Variants in LEPR observed in about 807,000 individuals in gnomAD.
LEPR encodes the protein leptin receptor, also known as OB receptor.
A neutral mutation model predicts 114.7 loss-of-function variants in LEPR; 56 were observed. That is an observed-to-expected ratio of 0.49 (90% confidence interval 0.39 to 0.61). The LOEUF (loss-of-function observed/expected upper bound fraction) is 0.61. Among genes scored for constraint, LEPR ranks in the 20% least tolerant of loss-of-function variants. The pLI, the probability that LEPR is intolerant of heterozygous loss-of-function variation, is 0.00. For missense variants in LEPR, 1,202 were observed against 1,352.9 expected, an observed-to-expected ratio of 0.89 and a Z score of 1.75; for synonymous variants, 443 against 461.4, an observed-to-expected ratio of 0.96 and a Z score of 0.51.
intron 14 of LEPR, among the ~76,000 whole-genome samples, chr1:65,613,183 C>G (rs1657286018): frequency 6.6e-6 from 1 of 152,086 alleles, no homozygotes; most frequent in South Asian, 2.1e-4. Context: ...GGTTTGTAAT[C>G]CAATACTACT....
chr1:65,441,059 A>C (rs993863137), intron 2 of LEPR, among the ~76,000 whole-genome samples: 3 of 152,212 alleles, frequency 2.0e-5, no homozygotes, highest in Admixed American at 2.0e-4. Context: ...GTCCCTAATT[A>C]ATCATTCCAT....
chr1:65,554,977 T>G (rs1652710718), intron 2 of LEPR, among the ~76,000 whole-genome samples: 1 of 152,008 alleles, frequency 6.6e-6, no homozygotes, highest in Non-Finnish European at 1.5e-5. Flanking sequence ...AGTTTCTTGA[T>G]CCCTTGCACT....
intron 2 of LEPR, among the ~76,000 whole-genome samples, chr1:65,454,837 T>C (rs1646844681): frequency 6.6e-6 from 1 of 152,232 alleles, no homozygotes; most frequent in Non-Finnish European, 1.5e-5. Flanking sequence ...CCTGCCTTGC[T>C]AGATTGGGGA....
At chr1:65,600,292 G>A (rs751828929) in intron 8 of LEPR, among the ~76,000 whole-genome samples, 1 of 151,992 alleles carries the variant, frequency 6.6e-6, no homozygotes, top group Non-Finnish European at 1.5e-5. Context: ...ACTCAGTCAC[G>A]CTCATAAATC....
At chr1:65,616,607 CAT>C (rs1228904947) in intron 15 of LEPR, among the ~76,000 whole-genome samples, 1 of 151,744 alleles carries the variant, frequency 6.6e-6, no homozygotes, top group African/African-American at 2.4e-5. Flanking sequence ...AAGTATATAT[CAT>C]ATTAAATATA....
At chr1:65,438,548 C>CAAAAAAA (rs1159617552) in intron 2 of LEPR, among the ~76,000 whole-genome samples, 2 of 67,794 alleles carry the variant, frequency 3.0e-5, no homozygotes, top group Non-Finnish European at 5.4e-5. Flanking sequence ...GACTCTGTCT[C>CAAAAAAA]AAAAAAAAAA....
intron 19 of LEPR, chr1:65,634,488 T>G: frequency 1.1e-6 from 1 of 946,746 alleles, no homozygotes. Flanking sequence ...GGATATACTT[T>G]TAATAAAGTT....
intron 2 of LEPR, among the ~76,000 whole-genome samples, chr1:65,480,373 T>C (rs1570531407): frequency 1.3e-5 from 2 of 152,050 alleles, no homozygotes; most frequent in South Asian, 4.1e-4. Context: ...CAAGAAGATA[T>C]GGTGTCTATG....
intron 2 of LEPR, among the ~76,000 whole-genome samples, chr1:65,426,262 GA>G (rs1484185538): frequency 7.4e-6 from 1 of 134,696 alleles, no homozygotes; most frequent in Non-Finnish European, 1.5e-5. Context: ...GCCTTTTCAG[GA>G]AACCACACAT....
At chr1:65,596,740 C>T (rs1656091902) in intron 7 of LEPR, 147 bp downstream of exon 7, 10 of 706,540 alleles carry the variant, frequency 1.4e-5, no homozygotes, top group Non-Finnish European at 2.1e-5. Context: ...TATTATATAT[C>T]ATATATAGAT....
chr1:65,620,012 G>T lies in LEPR; in HGVS notation c.2480G>T (p.Ser827Ile), dbSNP rs1298599016. Reference protein sequence around the residue: ...EGVGKPKIINSFTQDDIEKHQ... With the variant: ...EGVGKPKIINIFTQDDIEKHQ... ...GTGGGAAAACCAAAGATAATTAATAGTTTCACTCAAGGTAAAAATTATAAT... is the reference window on the plus strand; with the variant it reads ...GTGGGAAAACCAAAGATAATTAATATTTTCACTCAAGGTAAAAATTATAAT... Residue 827 changes from serine to isoleucine, a missense_variant, in exon 17 of 20, where the codon AGT becomes ATT. Coordinates refer to ENST00000349533, the MANE Select transcript of LEPR (RefSeq NM_002303.6). 1 of 1,609,620 alleles carries T rather than the reference G, an allele frequency of 6.2e-7. No homozygotes were observed. Among genetic ancestry groups the T allele is most frequent in the Non-Finnish European group, 8.5e-7 (1 of 1,176,500 alleles).
rs1651217436 is a variant in LEPR, at chr1:65,541,929, CTGAT to C, written c.-20-23613_-20-23610del. Among the ~76,000 whole-genome samples the C allele has an allele frequency of 2.0e-5, 3 of 152,224 alleles. No homozygotes were observed. The South Asian group carries it at 6.2e-4, about 32-fold the overall frequency. ...AAATAATTTTATTTCTGCTCAAACA[CTGAT>C]TGAGACTGTTCTGTTTTATATTTAA... is the stretch of plus-strand genomic sequence containing the variant. On this transcript the variant is annotated intron_variant, in intron 2 of 19. Transcript: ENST00000349533.
intron 2 of LEPR, among the ~76,000 whole-genome samples, chr1:65,453,299 A>G (rs1412857343): frequency 6.6e-6 from 1 of 151,674 alleles, no homozygotes; most frequent in African/African-American, 2.4e-5. Flanking sequence ...CTCTGATTTT[A>G]GTTATTTCTT....
At chr1:65,566,342 A>G (rs1024041202) in intron 3 of LEPR, among the ~76,000 whole-genome samples, 1 of 151,704 alleles carries the variant, frequency 6.6e-6, no homozygotes, top group African/African-American at 2.4e-5. Context: ...AGCTGGGACT[A>G]CAGGCACGCG....
intron 5 of LEPR, among the ~76,000 whole-genome samples, chr1:65,585,595 C>T (rs1436340113): frequency 6.6e-6 from 1 of 151,934 alleles, no homozygotes; most frequent in Non-Finnish European, 1.5e-5. Flanking sequence ...ATACTATTTT[C>T]ACTTTCAAGT....
At position 65,497,001 on chromosome 1, in the gene LEPR, T is replaced by TATATAC. The variant is rs898987055; in HGVS notation, c.-20-68544_-20-68543insTATACA. Among the ~76,000 whole-genome samples, 18 of 151,768 alleles carry TATATAC rather than the reference T, an allele frequency of 1.2e-4. No individual in the cohort carries two copies. In the East Asian group the frequency reaches 1.4e-3, roughly 11 times the overall value. On this transcript the variant is annotated intron_variant, in intron 2 of 19. Coordinates refer to ENST00000349533, the MANE Select transcript of LEPR (RefSeq NM_002303.6). ...GTGTTCATATACATATATATATATA[T>TATATAC]ACACACACACACATATATGTATTTT...
chr1:65,541,291 A>G (rs751794103), intron 2 of LEPR, among the ~76,000 whole-genome samples: 4 of 152,222 alleles, frequency 2.6e-5, no homozygotes, highest in Non-Finnish European at 5.9e-5. Flanking sequence ...TAATATTTAA[A>G]TGAGTCAATT....
Position 65,626,293 on chromosome 1 carries a change from T to G in LEPR, c.2673+3312T>G, listed in dbSNP as rs1389412001. 5 of 1,305,908 alleles carry G rather than the reference T, an allele frequency of 3.8e-6. No individual in the cohort carries two copies. In the East Asian group the frequency reaches 1.5e-4, roughly 39 times the overall value. 80.9% of individuals were successfully genotyped at this position (1,305,908 alleles called of 1,614,324 possible). ...AGTAGATTGAAATATTGCCACATTT[T>G]TTCAAGTTCTGGTAAATTAAAGAAA... On this transcript the variant is annotated intron_variant, in intron 19 of 19. Transcript: ENST00000349533.
At position 65,425,298 on chromosome 1, in the gene LEPR, CA is replaced by C; in HGVS notation, c.-96-4del. On this transcript the variant is annotated splice_region_variant and splice_polypyrimidine_tract_variant and intron_variant, in intron 1 of 19. Transcript: ENST00000349533. Reference sequence around the variant, plus strand: ...AACTTTAACTTTTGGCTTTATTTTTCACAGCTCTCGTGGCATTATCCTTCAG... The same window carrying C: ...AACTTTAACTTTTGGCTTTATTTTTCCAGCTCTCGTGGCATTATCCTTCAG... The C allele has an allele frequency of 6.2e-7, 1 of 1,612,304 alleles. No individual in the cohort carries two copies. Among genetic ancestry groups the C allele is most frequent in the Non-Finnish European group, 8.5e-7 (1 of 1,179,480 alleles).
Sources: allele counts gnomAD v4.1 joint callset (sites outside exome capture counted in the v4.1 genomes callset), GRCh38; gene constraint gnomAD v4.1.1; transcripts MANE v1.5; gene names NCBI Gene and HGNC (gene_info 2026-07-23, HGNC 2026-07-21).